Variants in ZFHX3 observed in about 807,000 individuals in gnomAD.
The protein encoded by ZFHX3 is zinc finger homeobox protein 3.
A neutral mutation model predicts 279.1 loss-of-function variants in ZFHX3; 42 were observed. The observed-to-expected ratio is 0.15, with a 90% confidence interval of 0.12 to 0.19. The LOEUF is 0.19. Among genes scored for constraint, ZFHX3 ranks in the 10% least tolerant of loss-of-function variants. ZFHX3 has a pLI of 1.00. For synonymous variants in ZFHX3, 2,293 were observed against 1,957.8 expected, an observed-to-expected ratio of 1.17 and a Z score of -4.52; for missense variants, 4,981 against 4,754.0, an observed-to-expected ratio of 1.05 and a Z score of -1.40.
At position 72,899,726 on chromosome 16, in the gene ZFHX3, G is replaced by C. The variant is rs147658479; in HGVS notation, c.3217-9764C>G. On this transcript the variant is annotated intron_variant, in intron 3 of 9. Transcript: ENST00000268489. The stretch of plus-strand genomic sequence containing the variant: ...TACACTGTTGGGTCTCGGTTTCCTT[G>C]TGTGCAAAACAGGGACAATAACAGA... Among the ~76,000 whole-genome samples the C allele has an allele frequency of 5.3e-4, 80 of 152,228 alleles. No homozygotes were observed. In the Middle Eastern group the frequency reaches 0.01, roughly 19 times the overall value.
At chr16:73,691,835 G>C (rs371922381) in intron 1 of ZFHX3, among the ~76,000 whole-genome samples, 3 of 152,160 alleles carry the variant, frequency 2.0e-5, no homozygotes, top group Non-Finnish European at 4.4e-5. Context: ...AATTTATTGA[G>C]ATACTGATTC....
rs777055669 is a variant in ZFHX3 at position 72,959,511 on chromosome 16, T to A, written c.635A>T (p.Asp212Val). 2.7e-5 allele frequency: 44 copies of A among 1,614,264 alleles called. 1 individual carries two copies. In the Middle Eastern group the frequency reaches 3.1e-3, roughly 115 times the overall value. The change falls in exon 2 of 10, where the codon GAC becomes GTC. Residue 212 changes from aspartate to valine, a missense_variant. Asp to Val is a radical substitution (Grantham distance 152). Around this residue, in one of 7 missense-constraint regions of ZFHX3, gnomAD observed 1,068 missense variants for 935.2 expected, o/e 1.14. Transcript: ENST00000268489. ...SSFGKWFEGP[D>V]QAFPNTSALA... is the part of the protein sequence containing the mutation. ...GGCTGAGGTATTCGGGAAAGCCTGG[T>A]CTGGGCCCTCAAACCATTTCCCGAA... is the stretch of plus-strand genomic sequence containing the variant.
rs77176126 is a variant in ZFHX3 at position 73,079,958 on chromosome 16, C to G, written c.-533+13277G>C. 1.4e-3 allele frequency among the ~76,000 whole-genome samples: 217 copies of G among 152,166 alleles called. 1 individual carries two copies. In the East Asian group the frequency reaches 0.018, roughly 13 times the overall value. ...AGGTCACACAGAGCAAGTTTAATTC[C>G]CTGATGCAGACAACCTTTTCCTGTC... On this transcript the variant is annotated intron_variant, in intron 8 of 17. Transcript: ENST00000641206.
chr16:73,119,177 C>A (rs1966466132), intron 7 of ZFHX3, among the ~76,000 whole-genome samples: 1 of 152,128 alleles, frequency 6.6e-6, no homozygotes, highest in Non-Finnish European at 1.5e-5. Flanking sequence ...GATCATGGCT[C>A]ACTGCAGCCT....
intron 8 of ZFHX3, among the ~76,000 whole-genome samples, chr16:73,078,258 A>G (rs1214489500): frequency 2.6e-5 from 4 of 152,216 alleles, no homozygotes; most frequent in Non-Finnish European, 5.9e-5. Flanking sequence ...TCAGGGCTTC[A>G]TAAAAACCCA....
chr16:73,135,902 G>A (rs1042185601), intron 6 of ZFHX3, among the ~76,000 whole-genome samples: 11 of 150,310 alleles, frequency 7.3e-5, no homozygotes, highest in African/African-American at 2.2e-4. Context: ...TTGTCGCCCA[G>A]GCTGGAGTAC....
At chr16:73,662,987 T>A (rs1203566998) in intron 2 of ZFHX3, among the ~76,000 whole-genome samples, 1 of 152,162 alleles carries the variant, frequency 6.6e-6, no homozygotes, top group Non-Finnish European at 1.5e-5. Context: ...CTGAACCTAC[T>A]GCTGGGATCG....
chr16:73,355,195 C>A (rs1283807182), intron 3 of ZFHX3, among the ~76,000 whole-genome samples: 3 of 152,180 alleles, frequency 2.0e-5, no homozygotes, highest in Admixed American at 6.5e-5. Flanking sequence ...TACAGAGGAA[C>A]AGAGCTGGGC....
intron 3 of ZFHX3, chr16:73,388,982 C>G (rs1195306242): frequency 6.6e-6 from 1 of 152,248 alleles, no homozygotes; most frequent in Non-Finnish European, 1.5e-5. Context: ...TGTTTCTCTG[C>G]AGGCGTCCAG....
chr16:73,270,481 C>T (rs1463378200), intron 4 of ZFHX3, among the ~76,000 whole-genome samples: 2 of 152,210 alleles, frequency 1.3e-5, no homozygotes, highest in East Asian at 3.9e-4. Flanking sequence ...CCATCGCCCA[C>T]AGCACCCAGC....
At chr16:73,042,398 C>T (rs146660861) in intron 1 of ZFHX3, among the ~76,000 whole-genome samples, 245 of 152,248 alleles carry the variant, frequency 1.6e-3, no homozygotes, top group African/African-American at 5.6e-3. Context: ...CCAGCCTAAC[C>T]GATACACTCA....
At chr16:73,371,466 C>T (rs11866106) in intron 3 of ZFHX3, among the ~76,000 whole-genome samples, 1 of 151,696 alleles carries the variant, frequency 6.6e-6, no homozygotes, top group Non-Finnish European at 1.5e-5. Context: ...CTCGCTGCAA[C>T]CTCCACTTCC....
intron 2 of ZFHX3, among the ~76,000 whole-genome samples, chr16:73,522,260 A>G (rs1299080875): frequency 6.6e-6 from 1 of 152,254 alleles, no homozygotes; most frequent in Non-Finnish European, 1.5e-5. Context: ...CATGGCTGGA[A>G]AAAGCAAAGA....
At chr16:72,929,348 C>T (rs1223188581) in intron 3 of ZFHX3, among the ~76,000 whole-genome samples, 2 of 151,800 alleles carry the variant, frequency 1.3e-5, no homozygotes, top group Non-Finnish European at 2.9e-5. Context: ...CTGACCCTTG[C>T]TTGGGGAGAG....
At chr16:73,736,063 C>T (rs1384118173) in intron 1 of ZFHX3, among the ~76,000 whole-genome samples, 5 of 152,062 alleles carry the variant, frequency 3.3e-5, no homozygotes, top group Admixed American at 2.6e-4. Context: ...CTTCTCAGTC[C>T]TGGGCCAGAT....
chr16:73,397,561 C>T (rs999745588), intron 3 of ZFHX3, among the ~76,000 whole-genome samples: 1 of 152,050 alleles, frequency 6.6e-6, no homozygotes, highest in African/African-American at 2.4e-5. Context: ...AAACAGACTG[C>T]AAGGATCAAG....
At chr16:72,920,682 T>A (rs909233512) in intron 3 of ZFHX3, among the ~76,000 whole-genome samples, 31 of 149,046 alleles carry the variant, frequency 2.1e-4, no homozygotes, top group Middle Eastern at 6.9e-3. Context: ...AAAAAAAAAT[T>A]AAAAAAAAAC....
chr16:72,847,131 T>C (rs2143817280), intron 4 of ZFHX3, among the ~76,000 whole-genome samples: 1 of 152,372 alleles, frequency 6.6e-6, no homozygotes, highest in East Asian at 1.9e-4. Flanking sequence ...CACCTAAATG[T>C]ATTTCAGTGG....
At position 72,950,554 on chromosome 16, in the gene ZFHX3, G is replaced by A. The variant is rs1462287474; in HGVS notation, c.3131C>T (p.Ala1044Val). The stretch of plus-strand genomic sequence containing the variant: ...CAGGCTGTTGGTGTAGTAGTCACAG[G>A]CGTTGCACTTGAGGTGCACGGGGTT... Reference protein sequence around the residue: ...IGNPVHLKCNACDYYTNSLEK... With the variant: ...IGNPVHLKCNVCDYYTNSLEK... The change falls in exon 3 of 10, where the codon GCC (alanine) becomes GTC (valine). Residue 1044 changes from alanine to valine, a missense_variant. Physicochemically the swap from Ala to Val is moderately conservative, Grantham distance 64. Transcript: ENST00000268489. 6.2e-7 allele frequency: 1 copy of A among 1,614,120 alleles called. No individual in the cohort carries two copies. Among genetic ancestry groups the A allele is most frequent in the African/African-American group, 1.3e-5 (1 of 74,934 alleles).
Sources: allele counts gnomAD v4.1 joint callset (sites outside exome capture counted in the v4.1 genomes callset), GRCh38; gene constraint gnomAD v4.1.1; regional missense constraint gnomAD v4.1.1; transcripts MANE v1.5; gene names NCBI Gene and HGNC (gene_info 2026-07-23, HGNC 2026-07-21).